IGFL2: variants seen among roughly 807,000 people sequenced by gnomAD.
IGFL2 encodes the protein insulin growth factor-like family member 2.
IGFL2 carries 7 observed loss-of-function variants against 13.9 expected under a neutral mutation model. The observed-to-expected ratio is 0.51, with a 90% CI of 0.29 to 0.95. IGFL2 has a LOEUF of 0.95. IGFL2 is among the 40% of genes least tolerant of loss of function. The pLI, the probability that IGFL2 is intolerant of heterozygous loss-of-function variation, is 0.08. For synonymous variants in IGFL2, 55 were observed against 55.8 expected, an observed-to-expected ratio of 0.99 and a Z score of 0.07; for missense variants, 138 against 147.8, an observed-to-expected ratio of 0.93 and a Z score of 0.34.
chr19:46,111,928 A>G, the IGFL2 span: 3 of 152,252 alleles, frequency 2.0e-5, no homozygotes, highest in Non-Finnish European at 4.4e-5. Context: ...CCGAGTCTGT[A>G]CAAATAAAAA....
At chr19:46,093,969 T>C in the IGFL2 span, among the ~76,000 whole-genome samples, 5 of 151,882 alleles carry the variant, frequency 3.3e-5, no homozygotes, top group Non-Finnish European at 7.4e-5. Flanking sequence ...GGAAGACTCA[T>C]TGTTAGATGT....
rs1974146615 is a variant in IGFL2, at chr19:46,161,124, A to G, written c.*36A>G. On this transcript the variant is annotated 3_prime_UTR_variant, in exon 4 of 4. Transcript: ENST00000377693. Reference sequence around the variant, plus strand: ...AAAGAAAATCAACTTTCACTAAGGCATCTCAGAAACATAGGCTAAGGTAAT... The same window carrying G: ...AAAGAAAATCAACTTTCACTAAGGCGTCTCAGAAACATAGGCTAAGGTAAT... The G allele has an allele frequency of 6.5e-7, 1 of 1,539,580 alleles. No individual in the cohort carries two copies. The highest frequency in any genetic ancestry group is 8.9e-7 in the Non-Finnish European group (1 of 1,125,090).
At chr19:46,104,506 C>A in the IGFL2 span, among the ~76,000 whole-genome samples, 18 of 152,240 alleles carry the variant, frequency 1.2e-4, no homozygotes, top group African/African-American at 4.1e-4. Flanking sequence ...GGAATTATGT[C>A]TGGAAAAAGG....
At chr19:46,192,423 CTTT>C in the IGFL2 span, among the ~76,000 whole-genome samples, 1,499 of 142,390 alleles carry the variant, frequency 0.011, 28 homozygotes, top group African/African-American at 0.036. Flanking sequence ...CATTCTTTTG[CTTT>C]TTTTTTTTTT....
chr19:46,211,171 C>G, the IGFL2 span, among the ~76,000 whole-genome samples: 2 of 152,216 alleles, frequency 1.3e-5, no homozygotes, highest in Non-Finnish European at 2.9e-5. Flanking sequence ...GGGGCCTCTC[C>G]TCCAGCCTCT....
upstream of IGFL2, among the ~76,000 whole-genome samples, chr19:46,140,448 T>TG (rs1355317939): frequency 6.6e-6 from 1 of 151,976 alleles, no homozygotes; most frequent in African/African-American, 2.4e-5. Flanking sequence ...GAGGCTAAGG[T>TG]GGGAGGATCA....
At chr19:46,095,026 T>A in the IGFL2 span, among the ~76,000 whole-genome samples, 647 of 152,308 alleles carry the variant, frequency 4.2e-3, 1 homozygote, top group African/African-American at 0.014. Context: ...ATGATTTATA[T>A]TCCTTTGTGT....
At chr19:46,126,371 C>T in the IGFL2 span, among the ~76,000 whole-genome samples, 5 of 152,180 alleles carry the variant, frequency 3.3e-5, no homozygotes, top group African/African-American at 1.2e-4. Flanking sequence ...TTCTAAGCTG[C>T]TGACACCCAT....
intron 1 of IGFL2, among the ~76,000 whole-genome samples, chr19:46,150,503 A>G (rs1973420989): frequency 6.6e-6 from 1 of 152,192 alleles, no homozygotes; most frequent in Non-Finnish European, 1.5e-5. Flanking sequence ...GAAGTTGACA[A>G]AGAATAATTG....
chr19:46,203,418 G>C, the IGFL2 span: 24 of 152,706 alleles, frequency 1.6e-4, no homozygotes, highest in African/African-American at 5.8e-4. Flanking sequence ...CGGTACAGTT[G>C]GCCAGCTGCA....
chr19:46,193,700 A>T, the IGFL2 span, among the ~76,000 whole-genome samples: 1 of 152,196 alleles, frequency 6.6e-6, no homozygotes, highest in Non-Finnish European at 1.5e-5. Context: ...CAAACTGCAA[A>T]ACTTACAGCT....
chr19:46,187,544 T>C, the IGFL2 span, among the ~76,000 whole-genome samples: 1 of 124,104 alleles, frequency 8.1e-6, no homozygotes, highest in Admixed American at 7.6e-5. Context: ...CATTAACCCG[T>C]TTAAACCTGA....
At chr19:46,124,395 A>G in the IGFL2 span, 1 of 1,474,144 alleles carries the variant, frequency 6.8e-7, no homozygotes, top group East Asian at 2.3e-5. Flanking sequence ...ACAAACAAAC[A>G]AACAGAGGTT....
chr19:46,128,249 A>G, the IGFL2 span, among the ~76,000 whole-genome samples: 124 of 152,164 alleles, frequency 8.1e-4, 2 homozygotes, highest in Middle Eastern at 0.017. Flanking sequence ...TTTTGTGGAG[A>G]CTGTAGGGTT....
At chr19:46,113,422 T>C in the IGFL2 span, 1 of 405,846 alleles carries the variant, frequency 2.5e-6, no homozygotes, top group Non-Finnish European at 5.0e-6. Flanking sequence ...ACTTCCATTT[T>C]GACTGAACAA....
the IGFL2 span, among the ~76,000 whole-genome samples, chr19:46,107,334 G>A: frequency 6.6e-6 from 1 of 152,204 alleles, no homozygotes; most frequent in African/African-American, 2.4e-5. Context: ...GAGAAGATCT[G>A]GGAAGGAGTC....
rs767261197 is a variant in IGFL2, at chr19:46,148,317, A to T, written c.19+20A>T. The T allele has an allele frequency of 4.8e-5, 75 of 1,548,710 alleles. No homozygotes were observed. Among genetic ancestry groups the T allele is most frequent in the Middle Eastern group, 1.7e-4 (1 of 6,010 alleles). On this transcript the variant is annotated intron_variant, in intron 1 of 3. Transcript: ENST00000377693. ...TCTTCGGTAAGGTAACCCTTGCCCCAGGTTGAGCTAATGCCTACTGTTATC... is the reference window on the plus strand; with the variant it reads ...TCTTCGGTAAGGTAACCCTTGCCCCTGGTTGAGCTAATGCCTACTGTTATC...
At chr19:46,122,080 C>G in the IGFL2 span, among the ~76,000 whole-genome samples, 1 of 151,108 alleles carries the variant, frequency 6.6e-6, no homozygotes, top group East Asian at 2.0e-4. Flanking sequence ...TCACTTTCTT[C>G]TTTTTCTCTG....
chr19:46,118,687 C>T, the IGFL2 span, among the ~76,000 whole-genome samples: 1 of 152,208 alleles, frequency 6.6e-6, no homozygotes, highest in African/African-American at 2.4e-5. Context: ...TGCCACTTTA[C>T]TGCTGCAAGG....
Sources: gnomAD v4.1 joint callset for allele counts (sites outside exome capture counted in the v4.1 genomes callset) on GRCh38, gnomAD v4.1.1 for gene constraint, MANE v1.5 for transcripts, NCBI Gene and HGNC (gene_info 2026-07-23, HGNC 2026-07-21) for gene names.